Variants in RPTOR observed in about 807,000 individuals in gnomAD.
RPTOR encodes regulatory associated protein of MTOR complex 1.
A neutral mutation model predicts 169.9 loss-of-function variants in RPTOR; 21 were observed. That is an observed-to-expected ratio of 0.12 (90% CI 0.09 to 0.18). The LOEUF is 0.18. Ranked by LOEUF, RPTOR falls within the 10% of genes least tolerant of loss-of-function variation. The pLI, the probability that RPTOR is intolerant of heterozygous loss-of-function variation, is 1.00. For synonymous variants in RPTOR, 732 were observed against 753.2 expected, an observed-to-expected ratio of 0.97 and a Z score of 0.46; for missense variants, 1,133 against 1,855.9, an observed-to-expected ratio of 0.61 and a Z score of 7.16.
intron 32 of RPTOR, 83 bp downstream of exon 32, chr17:80,962,660 C>T: frequency 2.3e-6 from 3 of 1,313,416 alleles, no homozygotes; most frequent in Non-Finnish European, 3.2e-6. Context: ...TGTTCCTGCC[C>T]CCAGGAGCTG....
At chr17:80,794,062 A>G (rs1438317296) in intron 7 of RPTOR, among the ~76,000 whole-genome samples, 1 of 152,216 alleles carries the variant, frequency 6.6e-6, no homozygotes, top group Non-Finnish European at 1.5e-5. Flanking sequence ...CATCCTAAGC[A>G]TGATTCACAA....
At chr17:80,743,322 T>C (rs2066503561) in intron 5 of RPTOR, 1 of 985,392 alleles carries the variant, frequency 1.0e-6, no homozygotes, top group Admixed American at 6.1e-5. Flanking sequence ...CAGGGCGCTC[T>C]TGCAGGTTCC....
chr17:80,735,661 G>A (rs1284934261), intron 5 of RPTOR, among the ~76,000 whole-genome samples: 5 of 152,114 alleles, frequency 3.3e-5, no homozygotes, highest in Admixed American at 2.0e-4. Context: ...TTTAATGGGA[G>A]GCCAGTAGCG....
intron 2 of RPTOR, among the ~76,000 whole-genome samples, chr17:80,642,872 G>T (rs2065564554): frequency 6.6e-6 from 1 of 152,148 alleles, no homozygotes; most frequent in Non-Finnish European, 1.5e-5. Flanking sequence ...ATGCAAAAAT[G>T]GATGAGAGTC....
At chr17:80,893,348 GGTGT>G (rs1440812009) in intron 19 of RPTOR, among the ~76,000 whole-genome samples, 1 of 148,070 alleles carries the variant, frequency 6.8e-6, no homozygotes, top group Admixed American at 6.7e-5. Context: ...TGTGCGCCAG[GGTGT>G]GTGTGTGCTG....
chr17:80,778,806 A>G (rs190198980), intron 6 of RPTOR, among the ~76,000 whole-genome samples: 44 of 152,310 alleles, frequency 2.9e-4, no homozygotes, highest in Non-Finnish European at 5.1e-4. Context: ...CTGGTCTCTT[A>G]AAAGAATAAA....
At chr17:80,557,041 A>G (rs2084418653) in intron 1 of RPTOR, among the ~76,000 whole-genome samples, 1 of 152,072 alleles carries the variant, frequency 6.6e-6, no homozygotes, top group Admixed American at 6.5e-5. Flanking sequence ...GGTTGCAGTG[A>G]GCCAAGATCT....
chr17:80,897,854 C>T (rs150169137), intron 20 of RPTOR, among the ~76,000 whole-genome samples: 130 of 152,340 alleles, frequency 8.5e-4, no homozygotes, highest in African/African-American at 3.0e-3. Flanking sequence ...GATCACGCCA[C>T]TGCACTCCAG....
chr17:80,916,714 C>T (rs773953545), intron 21 of RPTOR, among the ~76,000 whole-genome samples: 5 of 152,244 alleles, frequency 3.3e-5, no homozygotes, highest in Non-Finnish European at 7.3e-5. Context: ...AGTAAATAAA[C>T]ATTGGCCGAG....
intron 3 of RPTOR, among the ~76,000 whole-genome samples, chr17:80,684,424 A>G (rs939970246): frequency 6.9e-6 from 1 of 144,600 alleles, no homozygotes; most frequent in Non-Finnish European, 1.5e-5. Context: ...TTATTTATTT[A>G]TTTATTTATT....
At chr17:80,604,598 A>ATAC in intron 1 of RPTOR, among the ~76,000 whole-genome samples, 1 of 152,362 alleles carries the variant, frequency 6.6e-6, no homozygotes, top group East Asian at 1.9e-4. Flanking sequence ...TAATAAAGAC[A>ATAC]TACCAGAGAC....
chr17:80,685,625 ATATTTTTTTTTT>A (rs1422070884), intron 3 of RPTOR, among the ~76,000 whole-genome samples: 1 of 35,346 alleles, frequency 2.8e-5, no homozygotes, highest in Non-Finnish European at 4.7e-5. Context: ...ATATATATAT[ATATTTTTTTTTT>A]TTTTTTTTTT....
intron 10 of RPTOR, among the ~76,000 whole-genome samples, chr17:80,838,387 AC>A (rs1184207672): frequency 5.3e-5 from 8 of 151,988 alleles, no homozygotes; most frequent in Non-Finnish European, 1.2e-4. Flanking sequence ...TTGGTGCTGA[AC>A]CCTGGAGGGC....
intron 1 of RPTOR, among the ~76,000 whole-genome samples, chr17:80,553,186 T>G (rs2084366155): frequency 2.0e-5 from 3 of 152,244 alleles, no homozygotes; most frequent in Admixed American, 2.0e-4. Context: ...TGATGACTTT[T>G]ACTAAATCTT....
At chr17:80,686,875 A>G (rs1478813237) in intron 3 of RPTOR, among the ~76,000 whole-genome samples, 2 of 152,186 alleles carry the variant, frequency 1.3e-5, no homozygotes, top group Non-Finnish European at 2.9e-5. Context: ...ATCTTGAATG[A>G]GATTTACTTT....
intron 20 of RPTOR, among the ~76,000 whole-genome samples, chr17:80,906,555 C>T (rs556930554): frequency 6.6e-6 from 1 of 152,352 alleles, no homozygotes; most frequent in African/African-American, 2.4e-5. Flanking sequence ...GGCTCAAGCA[C>T]AGGGACCGCC....
intron 2 of RPTOR, among the ~76,000 whole-genome samples, chr17:80,638,141 G>A (rs10163471): frequency 0.29 from 43,932 of 152,058 alleles, 6,477 homozygotes; most frequent in Middle Eastern, 0.36. Flanking sequence ...CGGCCTGGAA[G>A]GCCAGAGAAT....
intron 23 of RPTOR, chr17:80,923,893 G>T (rs2068779427): frequency 1.8e-6 from 1 of 563,788 alleles, no homozygotes; most frequent in Non-Finnish European, 3.1e-6. Context: ...ACTGCTGGGT[G>T]TGTCCCGGTC....
rs963667061 is a variant in RPTOR, at chr17:80,669,574, G to C, written c.348+25764G>C. Among the ~76,000 whole-genome samples, 4 of 152,100 alleles carry C rather than the reference G, an allele frequency of 2.6e-5. No homozygotes were observed. In the East Asian group the frequency reaches 5.8e-4, roughly 22 times the overall value. ...TAATTTTGTATTTTTAATAGAGATG[G>C]GGTTTTTCCATGTTGGTCAGGCTGT... On this transcript the variant is annotated intron_variant, in intron 3 of 33. Coordinates refer to ENST00000306801, the MANE Select transcript of RPTOR (RefSeq NM_020761.3).
Sources: gnomAD v4.1 joint callset for allele counts (sites outside exome capture counted in the v4.1 genomes callset) on GRCh38, gnomAD v4.1.1 for gene constraint, MANE v1.5 for transcripts, NCBI Gene and HGNC (gene_info 2026-07-23, HGNC 2026-07-21) for gene names.